GPHN: variants seen among roughly 807,000 people sequenced by gnomAD.
GPHN encodes the protein gephyrin.
GPHN carries 17 observed loss-of-function variants against 95.5 expected under a neutral mutation model. That is an observed-to-expected ratio of 0.18 (90% CI 0.12 to 0.27). GPHN has a LOEUF of 0.27. Among genes scored for constraint, GPHN ranks in the 10% least tolerant of loss-of-function variants. The pLI is 1.00. For missense variants in GPHN, 660 were observed against 978.1 expected (o/e 0.67, Z 4.34); for synonymous variants, 320 against 322.5 (o/e 0.99, Z 0.08).
rs185330739 is a variant in GPHN at position 66,551,108 on chromosome 14, C to T, written c.64+42517C>T. The stretch of plus-strand genomic sequence containing the variant: ...TCCTGACCTTGTGATCCACCCATCT[C>T]GGCCTCCCAAAGTGCTGGGATTACA... On this transcript the variant is annotated intron_variant, in intron 1 of 22. Transcript: ENST00000478722. The T allele has an allele frequency of 4.4e-3, 683 of 153,516 alleles. 6 individuals are homozygous for T. Among genetic ancestry groups the T allele is most frequent in the Middle Eastern group, 8.9e-3 (4 of 450 alleles). 9.5% of individuals were successfully genotyped at this position (153,516 alleles called of 1,614,324 possible).
the GPHN span, chr14:67,336,595 AAGGC>A: frequency 2.6e-6 from 1 of 391,982 alleles, no homozygotes. Flanking sequence ...GCCTCCTAGA[AAGGC>A]AGTACGTAAT....
At chr14:67,411,933 C>T in the GPHN span, 7 of 1,273,082 alleles carry the variant, frequency 5.5e-6, no homozygotes, top group Admixed American at 4.7e-5. Flanking sequence ...ATGCCCGTTC[C>T]GGGGCGCGCG....
the GPHN span, chr14:67,442,013 C>T: frequency 3.9e-5 from 6 of 153,690 alleles, no homozygotes; most frequent in Non-Finnish European, 8.8e-5. Context: ...TAGGGGACCA[C>T]GAAAATGTTT....
the GPHN span, chr14:67,227,535 G>A: frequency 2.6e-5 from 4 of 151,226 alleles, no homozygotes; most frequent in Non-Finnish European, 5.9e-5. Flanking sequence ...TTTTTTAATG[G>A]TAGAAAAAGT....
chr14:66,778,538 G>A (rs1217114777), intron 3 of GPHN, among the ~76,000 whole-genome samples: 3 of 151,652 alleles, frequency 2.0e-5, no homozygotes, highest in South Asian at 2.1e-4. Context: ...TTGAATAATT[G>A]GATATTAATA....
the GPHN span, chr14:67,651,590 T>C: frequency 8.0e-7 from 1 of 1,244,858 alleles, no homozygotes; most frequent in Non-Finnish European, 1.1e-6. Flanking sequence ...GGCTGTATGT[T>C]TGATCACACA....
At chr14:66,761,911 C>T (rs1254278256) in intron 2 of GPHN, among the ~76,000 whole-genome samples, 1 of 152,198 alleles carries the variant, frequency 6.6e-6, no homozygotes, top group African/African-American at 2.4e-5. Flanking sequence ...CCACCCGTCT[C>T]GGCCTTCCAG....
chr14:67,603,740 C>A, the GPHN span, among the ~76,000 whole-genome samples: 1 of 152,200 alleles, frequency 6.6e-6, no homozygotes, highest in Non-Finnish European at 1.5e-5. Context: ...TGCAATGGCA[C>A]AATCTTGGCT....
intron 4 of GPHN, among the ~76,000 whole-genome samples, chr14:66,855,729 T>C (rs1395164313): frequency 6.6e-6 from 1 of 152,110 alleles, no homozygotes; most frequent in African/African-American, 2.4e-5. Flanking sequence ...TGGTTTTAGT[T>C]CTTATACTAT....
chr14:67,730,586 A>G, the GPHN span, among the ~76,000 whole-genome samples: 1 of 152,184 alleles, frequency 6.6e-6, no homozygotes, highest in Non-Finnish European at 1.5e-5. Context: ...TAAATGTAAA[A>G]TCCTAAATAC....
chr14:67,665,935 A>G, the GPHN span, among the ~76,000 whole-genome samples: 1 of 152,198 alleles, frequency 6.6e-6, no homozygotes, highest in Non-Finnish European at 1.5e-5. Context: ...AATGAGCACC[A>G]AGGCAGCTAT....
the GPHN span, among the ~76,000 whole-genome samples, chr14:67,321,977 A>G: frequency 6.6e-6 from 1 of 152,236 alleles, no homozygotes; most frequent in Non-Finnish European, 1.5e-5. Flanking sequence ...AATATTAACA[A>G]GTATCACAGT....
chr14:66,671,108 GTATTTTA>G (rs1477807669), intron 1 of GPHN, among the ~76,000 whole-genome samples: 1 of 152,160 alleles, frequency 6.6e-6, no homozygotes, highest in East Asian at 1.9e-4. Flanking sequence ...TCTGTATGGA[GTATTTTA>G]TCCTTGCAAA....
intron 1 of GPHN, among the ~76,000 whole-genome samples, chr14:66,632,642 G>A (rs573960066): frequency 9.2e-5 from 14 of 151,774 alleles, no homozygotes; most frequent in South Asian, 8.4e-4. Flanking sequence ...GCAGGTCTGC[G>A]CCACCACACC....
At chr14:67,071,243 T>A (rs1185826578) in intron 11 of GPHN, among the ~76,000 whole-genome samples, 2 of 152,132 alleles carry the variant, frequency 1.3e-5, no homozygotes, top group Admixed American at 6.6e-5. Context: ...CAAATGTCCA[T>A]CAATGATAGA....
intron 10 of GPHN, among the ~76,000 whole-genome samples, chr14:67,042,140 A>G (rs1245753215): frequency 1.3e-5 from 2 of 152,140 alleles, no homozygotes; most frequent in East Asian, 3.9e-4. Context: ...GTAGATTGCA[A>G]AAATTTTCTC....
chr14:67,493,979 C>T, the GPHN span, among the ~76,000 whole-genome samples: 4 of 152,022 alleles, frequency 2.6e-5, no homozygotes, highest in Admixed American at 1.3e-4. Flanking sequence ...CTGAACCAAT[C>T]GGTACTGTTC....
chr14:67,305,705 G>A, the GPHN span, among the ~76,000 whole-genome samples: 11 of 152,054 alleles, frequency 7.2e-5, no homozygotes, highest in South Asian at 6.2e-4. Context: ...GTTGATTCTC[G>A]TTGTATGCAA....
At chr14:66,706,519 A>C (rs2069093523) in intron 2 of GPHN, among the ~76,000 whole-genome samples, 1 of 152,158 alleles carries the variant, frequency 6.6e-6, no homozygotes, top group Non-Finnish European at 1.5e-5. Context: ...CACATCTGCA[A>C]CCATCTGATC....
Sources: gnomAD v4.1 joint callset for allele counts (sites outside exome capture counted in the v4.1 genomes callset) on GRCh38, gnomAD v4.1.1 for gene constraint, MANE v1.5 for transcripts, NCBI Gene and HGNC (gene_info 2026-07-23, HGNC 2026-07-21) for gene names.